XKR6: variants seen among roughly 807,000 people sequenced by gnomAD.
The protein encoded by XKR6 is XK-related protein 6.
A neutral mutation model predicts 56.7 loss-of-function variants in XKR6; 22 were observed. The observed-to-expected ratio is 0.39, with a 90% CI of 0.28 to 0.55. The LOEUF (loss-of-function observed/expected upper bound fraction) is 0.55. Ranked by LOEUF, XKR6 falls within the 20% of genes least tolerant of loss-of-function variation. The pLI is 0.66. For synonymous variants in XKR6, 524 were observed against 387.8 expected, an observed-to-expected ratio of 1.35 and a Z score of -4.13; for missense variants, 852 against 889.0, an observed-to-expected ratio of 0.96 and a Z score of 0.53.
chr8:11,119,454 G>C (rs1273829004), intron 1 of XKR6, among the ~76,000 whole-genome samples: 1 of 152,204 alleles, frequency 6.6e-6, no homozygotes, highest in South Asian at 2.1e-4. Flanking sequence ...AAGTCTCTTT[G>C]TAGGTCACTA....
chr8:11,153,165 C>T (rs1046315709), intron 1 of XKR6, among the ~76,000 whole-genome samples: 1 of 152,116 alleles, frequency 6.6e-6, no homozygotes, highest in Non-Finnish European at 1.5e-5. Flanking sequence ...AAATAACCAC[C>T]ACCAAAGCAG....
intron 1 of XKR6, chr8:11,104,897 A>G (rs1411003352): frequency 6.6e-6 from 1 of 152,214 alleles, no homozygotes; most frequent in African/African-American, 2.4e-5. Flanking sequence ...TTTTTCACAT[A>G]TAACTTTTGG....
intron 1 of XKR6, among the ~76,000 whole-genome samples, chr8:11,141,561 G>A (rs1050311441): frequency 2.3e-4 from 35 of 152,316 alleles, no homozygotes; most frequent in Middle Eastern, 6.8e-3. Flanking sequence ...CAAGTCAGAC[G>A]CATACTCTTG....
chr8:11,118,677 C>T (rs373872024), intron 1 of XKR6, among the ~76,000 whole-genome samples: 2 of 151,982 alleles, frequency 1.3e-5, no homozygotes, highest in South Asian at 2.1e-4. Flanking sequence ...TTTTTTATTG[C>T]ATCTATTTGA....
At chr8:11,137,871 A>G (rs959024332) in intron 1 of XKR6, 6 of 361,538 alleles carry the variant, frequency 1.7e-5, no homozygotes, top group Admixed American at 7.5e-5. Context: ...AAAGACTGAT[A>G]TATTAAATAA....
At chr8:11,179,560 C>A (rs953739493) in intron 1 of XKR6, among the ~76,000 whole-genome samples, 28 of 152,152 alleles carry the variant, frequency 1.8e-4, no homozygotes, top group African/African-American at 6.5e-4. Flanking sequence ...TCTCTCCTCC[C>A]TCAAAACACT....
At chr8:11,035,269 G>A (rs767456590) in intron 1 of XKR6, 3 of 534,608 alleles carry the variant, frequency 5.6e-6, no homozygotes, top group South Asian at 1.4e-5. Flanking sequence ...TCACACCATC[G>A]GGATCACCGC....
chr8:10,976,976 C>G (rs1312881659), intron 1 of XKR6, among the ~76,000 whole-genome samples: 1 of 152,112 alleles, frequency 6.6e-6, no homozygotes, highest in Non-Finnish European at 1.5e-5. Context: ...GGTCGTCTTC[C>G]CCAGCCCATC....
intron 1 of XKR6, among the ~76,000 whole-genome samples, chr8:11,038,132 G>C (rs959037822): frequency 6.6e-6 from 1 of 152,082 alleles, no homozygotes; most frequent in African/African-American, 2.4e-5. Flanking sequence ...GAAAGGGGCC[G>C]GTTTTTCTCA....
intron 1 of XKR6, among the ~76,000 whole-genome samples, chr8:11,059,670 ACAGGTGCGGCGGGCG>A (rs1563110063): frequency 7.7e-6 from 1 of 130,112 alleles, no homozygotes; most frequent in African/African-American, 4.2e-5. Flanking sequence ...GCGGGGCGGG[ACAGGTGCGGCGGGCG>A]CGGGGCGGGA....
intron 2 of XKR6, among the ~76,000 whole-genome samples, chr8:10,912,706 TAC>T (rs36194302): frequency 7.1e-6 from 1 of 140,748 alleles, no homozygotes. Context: ...TATATATATA[TAC>T]ACACATAGAG....
At chr8:11,032,163 G>C (rs1230304914) in intron 1 of XKR6, among the ~76,000 whole-genome samples, 2 of 152,148 alleles carry the variant, frequency 1.3e-5, no homozygotes, top group African/African-American at 4.8e-5. Context: ...TTTTTCTTCT[G>C]CTTCTTTTAC....
chr8:10,954,866 C>CCTTTTTTTTTTTTTTTT (rs1554515116), intron 1 of XKR6, among the ~76,000 whole-genome samples: 3 of 92,794 alleles, frequency 3.2e-5, no homozygotes, highest in Admixed American at 1.1e-4. Flanking sequence ...ACTTCATTCT[C>CCTTTTTTTTTTTTTTTT]TTTTTTTTTT....
At chr8:11,191,535 C>T (rs1803574818) in intron 1 of XKR6, among the ~76,000 whole-genome samples, 2 of 152,126 alleles carry the variant, frequency 1.3e-5, no homozygotes, top group Admixed American at 1.3e-4. Flanking sequence ...GAAAGCAGTA[C>T]TTCTGACAAA....
At chr8:11,150,572 G>C (rs1011588389) in intron 1 of XKR6, among the ~76,000 whole-genome samples, 3 of 152,012 alleles carry the variant, frequency 2.0e-5, no homozygotes, top group Non-Finnish European at 4.4e-5. Flanking sequence ...TTCCTTCCAG[G>C]CTGGGCGTGG....
intron 1 of XKR6, among the ~76,000 whole-genome samples, chr8:11,018,956 C>T (rs892805346): frequency 1.3e-5 from 2 of 152,116 alleles, no homozygotes; most frequent in Non-Finnish European, 2.9e-5. Context: ...TGGAGATGAC[C>T]CTCTGCCTGG....
chr8:11,001,981 G>A (rs1462993038), intron 1 of XKR6, among the ~76,000 whole-genome samples: 1 of 151,752 alleles, frequency 6.6e-6, no homozygotes, highest in East Asian at 1.9e-4. Flanking sequence ...TTCTAACCAG[G>A]CCAATGGGAT....
At position 11,078,179 on chromosome 8, in the gene XKR6, G is replaced by C. The variant is rs374637509; in HGVS notation, c.764+122397C>G. Among the ~76,000 whole-genome samples, 104 of 152,278 alleles carry C rather than the reference G, an allele frequency of 6.8e-4. 1 individual carries two copies. The highest frequency in any genetic ancestry group is 2.4e-3 in the African/African-American group (101 of 41,562). On this transcript the variant is annotated intron_variant, in intron 1 of 2. Transcript: ENST00000416569. ...CAGACCTATTTTTAAAATTTCATTT[G>C]GAAGGATGAAGTAGGGGAAGGAACT...
intron 1 of XKR6, among the ~76,000 whole-genome samples, chr8:10,957,257 C>T (rs1412185287): frequency 6.6e-6 from 1 of 152,200 alleles, no homozygotes; most frequent in Non-Finnish European, 1.5e-5. Context: ...AGCCATAACT[C>T]AGTCTTCAAC....
Sources: allele counts gnomAD v4.1 joint callset (sites outside exome capture counted in the v4.1 genomes callset), GRCh38; gene constraint gnomAD v4.1.1; transcripts MANE v1.5; gene names NCBI Gene and HGNC (gene_info 2026-07-23, HGNC 2026-07-21).